The following IPCEF1 variants were observed in gnomAD, a reference collection of about 807,000 sequenced individuals.
The protein encoded by IPCEF1 is interaction protein for cytohesin exchange factors 1.
Under a neutral mutation model 50.9 loss-of-function variants are expected in IPCEF1, and 31 were observed. The observed-to-expected ratio is 0.61, with a 90% CI of 0.46 to 0.82. IPCEF1 has a LOEUF of 0.82. IPCEF1 is among the 40% of genes least tolerant of loss of function. The probability of loss-of-function intolerance (pLI) is 0.00; values close to 1 mark genes in which losing one functional copy is unlikely to be tolerated. For missense variants in IPCEF1, 458 were observed against 514.0 expected (o/e 0.89, Z 1.05); for synonymous variants, 181 against 192.0 (o/e 0.94, Z 0.47).
chr6:154,213,131 G>A, intron 8 of IPCEF1: 1 of 398,364 alleles, frequency 2.5e-6, no homozygotes, highest in Non-Finnish European at 4.6e-6. Context: ...CTCAAAAGAG[G>A]TGTGAGTCAT....
At chr6:154,259,834 G>GTGT (rs1419448878) in intron 3 of IPCEF1, among the ~76,000 whole-genome samples, 4 of 152,026 alleles carry the variant, frequency 2.6e-5, no homozygotes, top group Non-Finnish European at 4.4e-5. Context: ...CAGGAAATAT[G>GTGT]TTCAAGTCTC....
chr6:154,341,959 G>T (rs1295531081), intron 1 of IPCEF1, among the ~76,000 whole-genome samples: 1 of 152,030 alleles, frequency 6.6e-6, no homozygotes, highest in Non-Finnish European at 1.5e-5. Context: ...AGTATCTCAG[G>T]ACTCCCAAAC....
At chr6:154,246,999 G>T (rs1379571790) in intron 4 of IPCEF1, 1 of 469,834 alleles carries the variant, frequency 2.1e-6, no homozygotes, top group African/African-American at 2.0e-5. Context: ...TGCTTAGAAG[G>T]TATAAGATAC....
intron 5 of IPCEF1, among the ~76,000 whole-genome samples, chr6:154,240,877 T>A (rs1415691599): frequency 6.6e-6 from 1 of 152,150 alleles, no homozygotes; most frequent in African/African-American, 2.4e-5. Context: ...CATTAAAGTC[T>A]CTGTAATATA....
intron 5 of IPCEF1, among the ~76,000 whole-genome samples, chr6:154,231,682 G>C (rs1779732508): frequency 6.6e-6 from 1 of 152,164 alleles, no homozygotes; most frequent in South Asian, 2.1e-4. Context: ...CACACTTGCT[G>C]TATTTGCGAA....
chr6:154,258,804 C>A (rs779273932), intron 3 of IPCEF1, among the ~76,000 whole-genome samples: 13 of 152,202 alleles, frequency 8.5e-5, no homozygotes, highest in Non-Finnish European at 1.5e-5. Context: ...GCTTAAAATG[C>A]ATCAATGACT....
chr6:154,344,078 C>T (rs1222258827), intron 1 of IPCEF1, among the ~76,000 whole-genome samples: 1 of 151,826 alleles, frequency 6.6e-6, no homozygotes, highest in African/African-American at 2.4e-5. Flanking sequence ...CAGACACCTC[C>T]TCCTCTAGCC....
At chr6:154,337,943 C>G (rs900941835) in intron 1 of IPCEF1, among the ~76,000 whole-genome samples, 1 of 152,104 alleles carries the variant, frequency 6.6e-6, no homozygotes, top group African/African-American at 2.4e-5. Flanking sequence ...GATAGTAATA[C>G]GCCCATTGGG....
chr6:154,278,654 G>A (rs1782127164), intron 2 of IPCEF1, among the ~76,000 whole-genome samples: 1 of 151,822 alleles, frequency 6.6e-6, no homozygotes, highest in South Asian at 2.1e-4. Flanking sequence ...TTGATATTAG[G>A]AATAAGCCAA....
intron 6 of IPCEF1, 50 bp downstream of exon 6, chr6:154,223,120 A>G: frequency 7.5e-7 from 1 of 1,341,508 alleles, no homozygotes; most frequent in South Asian, 1.2e-5. Flanking sequence ...AACATTATGA[A>G]GAGATAGTAT....
At chr6:154,294,875 T>TA (rs1229787667) in intron 1 of IPCEF1, among the ~76,000 whole-genome samples, 1 of 152,034 alleles carries the variant, frequency 6.6e-6, no homozygotes. Context: ...CCATCTCTTT[T>TA]AAAAAATAAA....
intron 1 of IPCEF1, among the ~76,000 whole-genome samples, chr6:154,304,865 G>A (rs752540684): frequency 5.9e-5 from 9 of 152,222 alleles, no homozygotes; most frequent in Non-Finnish European, 8.8e-5. Flanking sequence ...TGTAATCCCA[G>A]CACTTTGGGA....
At position 154,159,674 on chromosome 6, in the gene IPCEF1, G is replaced by A. The variant is rs1046914438; in HGVS notation, c.*154C>T. 1.1e-5 allele frequency: 7 copies of A among 649,614 alleles called. No individual in the cohort carries two copies. The highest frequency in any genetic ancestry group is 1.9e-5 in the Non-Finnish European group (7 of 370,984). 40.2% of individuals were successfully genotyped at this position (649,614 alleles called of 1,614,324 possible). A position where few individuals can be genotyped will look rare whatever the true frequency, so the allele number is the denominator to read the frequency against. ...GAAATGAGGAGCCCTGGTGTATTCGGTGATTATCTTCATCTAACGTGCATC... is the reference window on the plus strand; with the variant it reads ...GAAATGAGGAGCCCTGGTGTATTCGATGATTATCTTCATCTAACGTGCATC... On this transcript the variant is annotated 3_prime_UTR_variant, in exon 12 of 12. Transcript: ENST00000367220.
chr6:154,240,739 C>A (rs1006686248), intron 5 of IPCEF1, among the ~76,000 whole-genome samples: 1 of 152,184 alleles, frequency 6.6e-6, no homozygotes, highest in Non-Finnish European at 1.5e-5. Context: ...AGTGTGCATG[C>A]AGCTAGAGAT....
In IPCEF1 at chr6:154,305,827, C is replaced by A. The variant is rs183560043; in HGVS notation, c.-61-16071G>T. ...TTTCTCCCATGCTGGATGCTTCCAG[C>A]CCTCAAATATCAGACTCCAAGTTCT... On this transcript the variant is annotated intron_variant, in intron 1 of 11. Coordinates refer to ENST00000367220, the MANE Select transcript of IPCEF1 (RefSeq NM_001130700.2). Among the ~76,000 whole-genome samples, 725 of 152,318 alleles carry A rather than the reference C, an allele frequency of 4.8e-3. 4 individuals are homozygous for A. Among genetic ancestry groups the A allele is most frequent in the Non-Finnish European group, 6.9e-3 (469 of 68,024 alleles).
At chr6:154,200,118 A>G (rs1776942931) in intron 9 of IPCEF1, 78 bp from the exon 10 acceptor site, 6 of 1,305,442 alleles carry the variant, frequency 4.6e-6, no homozygotes, top group South Asian at 3.0e-5. Flanking sequence ...TTTATTTTCA[A>G]TCACGGTGTC....
intron 10 of IPCEF1, among the ~76,000 whole-genome samples, chr6:154,184,490 AT>A (rs1307511114): frequency 8.6e-5 from 13 of 151,826 alleles, no homozygotes; most frequent in Non-Finnish European, 1.2e-4. Flanking sequence ...TTCTATTTAC[AT>A]TTTTTTTAAA....
At position 154,154,771 on chromosome 6, in the gene IPCEF1, G is replaced by A. The variant is rs1036813341; in HGVS notation, c.*5057C>T. 6.6e-6 allele frequency: 1 copy of A among 152,200 alleles called. No individual in the cohort carries two copies. The highest frequency in any genetic ancestry group is 1.5e-5 in the Non-Finnish European group (1 of 67,960). 9.4% of individuals were successfully genotyped at this position (152,200 alleles called of 1,614,324 possible). On this transcript the variant is annotated 3_prime_UTR_variant, in exon 12 of 12. Transcript: ENST00000367220. ...TACAAGTCAACCTCAAAAACATAAAGCAGGAGAGAAATGAGCCATGCCTCT... is the reference window on the plus strand; with the variant it reads ...TACAAGTCAACCTCAAAAACATAAAACAGGAGAGAAATGAGCCATGCCTCT...
rs533040744 is a variant in IPCEF1 at position 154,296,301 on chromosome 6, A to G, written c.-61-6545T>C. On this transcript the variant is annotated intron_variant, in intron 1 of 11. Transcript: ENST00000367220. Reference sequence around the variant, plus strand: ...GAGCTGCTATAAGAAGAGGATGTAAAGAAGACAAGGGAGTGTGAAACACAA... The same window carrying G: ...GAGCTGCTATAAGAAGAGGATGTAAGGAAGACAAGGGAGTGTGAAACACAA... 2.2e-4 allele frequency among the ~76,000 whole-genome samples: 33 copies of G among 152,266 alleles called. 2 individuals are homozygous for G. In the South Asian group the frequency reaches 6.2e-3, roughly 29 times the overall value.
Sources: gnomAD v4.1 joint callset for allele counts (sites outside exome capture counted in the v4.1 genomes callset) on GRCh38, gnomAD v4.1.1 for gene constraint, MANE v1.5 for transcripts, NCBI Gene and HGNC (gene_info 2026-07-23, HGNC 2026-07-21) for gene names.